Variants in NRDE2 observed in about 807,000 individuals in gnomAD.
NRDE2 encodes nuclear exosome regulator NRDE2.
In NRDE2, 76 loss-of-function variants were observed where a neutral mutation model predicts 124.2. The observed-to-expected ratio is 0.61, with a 90% confidence interval of 0.51 to 0.74. NRDE2 has a LOEUF of 0.74. Among genes scored for constraint, NRDE2 ranks in the 30% least tolerant of loss-of-function variants. NRDE2 has a pLI of 0.00. For synonymous variants in NRDE2, 489 were observed against 528.1 expected (o/e 0.93, Z 1.01); for missense variants, 1,314 against 1,417.3 (o/e 0.93, Z 1.17).
At position 90,272,186 on chromosome 14, in the gene NRDE2, G is replaced by A. The variant is rs1595047745; in HGVS notation, c.*6150C>T. On this transcript the variant is annotated 3_prime_UTR_variant, in exon 14 of 14. Coordinates refer to ENST00000354366, the MANE Select transcript of NRDE2 (RefSeq NM_017970.4). The surrounding 1 kb of genome is among the most constrained non-coding windows in gnomAD (Gnocchi z 4.5). ...TGGGATTACAGGTGTGAGCCACCGCGCCTGGCCTCAGAATAGGTTTTTTGG... is the reference window on the plus strand; with the variant it reads ...TGGGATTACAGGTGTGAGCCACCGCACCTGGCCTCAGAATAGGTTTTTTGG... 24 of 1,489,148 alleles carry A rather than the reference G, an allele frequency of 1.6e-5. No homozygotes were observed. The South Asian group carries it at 2.3e-4, about 14-fold the overall frequency. The allele number at this position is 1,489,148 out of a possible 1,614,324, so 92.2% of individuals were successfully genotyped here. A position where few individuals can be genotyped will look rare whatever the true frequency, so the allele number is the denominator to read the frequency against.
At chr14:90,303,436 C>T (rs765315039) in intron 5 of NRDE2, among the ~76,000 whole-genome samples, 14 of 152,210 alleles carry the variant, frequency 9.2e-5, no homozygotes, top group Non-Finnish European at 1.9e-4. Flanking sequence ...AAATGTGGCA[C>T]AAAATATGGT....
At position 90,312,460 on chromosome 14, in the gene NRDE2, C is replaced by T; in HGVS notation, c.491G>A (p.Arg164Lys). ...DIQAVTGETF[R>K]TDKKPDPANW... ...CGCAGGATCTGGTTTCTTATCTGTT[C>T]TGAAGGTTTCTCCCGTCACAGCCTG... The change falls in exon 4 of 14, where the codon AGA becomes AAA. Residue 164 changes from arginine to lysine, a missense_variant. Physicochemically the swap from Arg to Lys is conservative, Grantham distance 26. Coordinates refer to ENST00000354366, the MANE Select transcript of NRDE2 (RefSeq NM_017970.4). The T allele has an allele frequency of 6.2e-7, 1 of 1,614,106 alleles. No individual in the cohort carries two copies. Among genetic ancestry groups the T allele is most frequent in the Admixed American group, 1.7e-5 (1 of 60,026 alleles).
At chr14:90,284,468 C>A (rs186184586) in intron 12 of NRDE2, among the ~76,000 whole-genome samples, 1 of 151,902 alleles carries the variant, frequency 6.6e-6, no homozygotes, top group East Asian at 1.9e-4. Flanking sequence ...CTGGTTCAAG[C>A]GATTCTCCTG....
In NRDE2 at chr14:90,288,564, A is replaced by G. The variant is rs1299663495; in HGVS notation, c.2811T>C (p.Ser937=). 6.2e-7 allele frequency: 1 copy of G among 1,614,182 alleles called. No homozygotes were observed. Among genetic ancestry groups the G allele is most frequent in the South Asian group, 1.1e-5 (1 of 91,088 alleles). The change falls in exon 11 of 14, where the codon TCT becomes TCC. Residue 937 remains serine (S), a synonymous_variant. Coordinates refer to ENST00000354366, the MANE Select transcript of NRDE2 (RefSeq NM_017970.4). ...CCTCGCCAGAGCCTTCTGGGAAAAC[A>G]GAACTGTTCAGTTTTGCAAACACCT... The part of the protein sequence containing the change: ...YEQVFAKLNS[S]VFPEGSGEGD...
intron 4 of NRDE2, among the ~76,000 whole-genome samples, chr14:90,309,427 A>G (rs1884743018): frequency 6.8e-6 from 1 of 146,760 alleles, no homozygotes; most frequent in Non-Finnish European, 1.5e-5. Context: ...GAGTCGAGAT[A>G]GCATCACTGC....
intron 5 of NRDE2, 139 bp from the exon 6 acceptor site, chr14:90,303,264 C>T (rs1555360790): frequency 1.3e-6 from 1 of 747,748 alleles, no homozygotes; most frequent in Non-Finnish European, 2.1e-6. Flanking sequence ...TTAAAGAAAA[C>T]CTGGATCCTA....
intron 3 of NRDE2, 149 bp downstream of exon 3, chr14:90,316,429 C>T: frequency 1.7e-6 from 1 of 600,366 alleles, no homozygotes; most frequent in Non-Finnish European, 2.9e-6. Flanking sequence ...CCTAATTTTT[C>T]TCCTTCTCTT....
At position 90,317,868 on chromosome 14, in the gene NRDE2, G is replaced by C; in HGVS notation, c.173+137C>G. On this transcript the variant is annotated intron_variant, in intron 2 of 13. Transcript: ENST00000354366. ...AGAATACAAGAGGTAAGGGAAAATA[G>C]TCAAAGATCACCTTATTACTTTAAG... 3 of 584,134 alleles carry C rather than the reference G, an allele frequency of 5.1e-6. No individual in the cohort carries two copies. In the South Asian group the frequency reaches 7.9e-5, roughly 15 times the overall value. The allele number at this position is 584,134 out of a possible 1,614,324, so 36.2% of individuals were successfully genotyped here. A position where few individuals can be genotyped will look rare whatever the true frequency, so the allele number is the denominator to read the frequency against.
chr14:90,325,973 T>A (rs1165406566), intron 1 of NRDE2, among the ~76,000 whole-genome samples: 1 of 152,176 alleles, frequency 6.6e-6, no homozygotes, highest in Non-Finnish European at 1.5e-5. Context: ...TATTTTACAT[T>A]TTTATAACAT....
At chr14:90,283,280 G>A (rs1720838302) in intron 12 of NRDE2, among the ~76,000 whole-genome samples, 1 of 152,228 alleles carries the variant, frequency 6.6e-6, no homozygotes, top group South Asian at 2.1e-4. Flanking sequence ...TTCTCTAAGG[G>A]GCCAGATCTT....
chr14:90,314,223 A>T (rs1884958451), intron 3 of NRDE2, among the ~76,000 whole-genome samples: 1 of 152,204 alleles, frequency 6.6e-6, no homozygotes, highest in African/African-American at 2.4e-5. Flanking sequence ...GTCATTTGTC[A>T]TCACCCTGAA....
At chr14:90,282,159 AC>A (rs1891969980) in intron 12 of NRDE2, among the ~76,000 whole-genome samples, 1 of 152,212 alleles carries the variant, frequency 6.6e-6, no homozygotes, top group South Asian at 2.1e-4. Context: ...TCTTGAAAAA[AC>A]TGCAATTTTA....
At position 90,316,813 on chromosome 14, in the gene NRDE2, T is replaced by C. The variant is rs1885066633; in HGVS notation, c.174-2A>G. ...GAAGACTCTGATTTCAGATGACTCC[T>C]GTTTGGGAAAATCAACTTTAAAATT... is the stretch of plus-strand genomic sequence containing the variant. On this transcript the variant is annotated splice_acceptor_variant, in intron 2 of 13. Transcript: ENST00000354366. LOFTEE classifies it high-confidence loss of function. 9 of 1,573,988 alleles carry C rather than the reference T, an allele frequency of 5.7e-6. No homozygotes were observed. The highest frequency in any genetic ancestry group is 1.2e-5 in the South Asian group (1 of 84,750).
In NRDE2 at chr14:90,274,725, CTG is replaced by C; in HGVS notation, c.*3609_*3610del. On this transcript the variant is annotated 3_prime_UTR_variant, in exon 14 of 14. Transcript: ENST00000354366. Reference sequence around the variant, plus strand: ...TTCCACTGGCCAAACTCGGGACAATCTGAGCATCCTAACAAACAGTTACTATT... The same window carrying C: ...TTCCACTGGCCAAACTCGGGACAATCAGCATCCTAACAAACAGTTACTATT... 1 of 150,664 alleles carries C rather than the reference CTG, an allele frequency of 6.6e-6. No individual in the cohort carries two copies. Among genetic ancestry groups the C allele is most frequent in the South Asian group, 2.1e-4 (1 of 4,708 alleles). 9.3% of individuals were successfully genotyped at this position (150,664 alleles called of 1,614,324 possible). A position where few individuals can be genotyped will look rare whatever the true frequency, so the allele number is the denominator to read the frequency against.
At chr14:90,301,490 T>A in intron 6 of NRDE2, 118 bp from the exon 7 acceptor site, 1 of 866,150 alleles carries the variant, frequency 1.2e-6, no homozygotes, top group Non-Finnish European at 1.8e-6. Flanking sequence ...CAATCACTAT[T>A]AATTTACAAA....
chr14:90,325,995 T>C (rs2139717512), intron 1 of NRDE2, among the ~76,000 whole-genome samples: 1 of 152,284 alleles, frequency 6.6e-6, no homozygotes, highest in East Asian at 1.9e-4. Context: ...TTTTATACTG[T>C]AAGGCAAAAA....
chr14:90,276,109 G>A lies in NRDE2; in HGVS notation c.*2227C>T, dbSNP rs1046600711. 6.6e-6 allele frequency: 1 copy of A among 151,846 alleles called. No individual in the cohort carries two copies. Among genetic ancestry groups the A allele is most frequent in the African/African-American group, 2.4e-5 (1 of 41,334 alleles). 9.4% of individuals were successfully genotyped at this position (151,846 alleles called of 1,614,324 possible). A position where few individuals can be genotyped will look rare whatever the true frequency, so the allele number is the denominator to read the frequency against. On this transcript the variant is annotated 3_prime_UTR_variant, in exon 14 of 14. Coordinates refer to ENST00000354366, the MANE Select transcript of NRDE2 (RefSeq NM_017970.4). Reference sequence around the variant, plus strand: ...TTCCTGATGAAACACATGAGCCACTGTTTGACTCCAGCTGGGAACCCCCTT... The same window carrying A: ...TTCCTGATGAAACACATGAGCCACTATTTGACTCCAGCTGGGAACCCCCTT...
rs374089268 is a variant in NRDE2 at position 90,278,320 on chromosome 14, G to A, written c.*16C>T. The stretch of plus-strand genomic sequence containing the variant: ...CAACTTGGCCTCGCAGGCACAGCCC[G>A]TTTTCCCGCTGCTCTCTAATCCTCC... On this transcript the variant is annotated 3_prime_UTR_variant, in exon 14 of 14. Transcript: ENST00000354366. 82 of 1,613,804 alleles carry A rather than the reference G, an allele frequency of 5.1e-5. No individual in the cohort carries two copies. The highest frequency in any genetic ancestry group is 5.8e-5 in the Non-Finnish European group (68 of 1,179,940).
chr14:90,290,903 T>C (rs1275468320), intron 9 of NRDE2, among the ~76,000 whole-genome samples: 4 of 152,226 alleles, frequency 2.6e-5, no homozygotes, highest in Non-Finnish European at 4.4e-5. Flanking sequence ...CAAAGTATCC[T>C]GATGGATTTG....
Sources: gnomAD v4.1 joint callset for allele counts (sites outside exome capture counted in the v4.1 genomes callset) on GRCh38, gnomAD v4.1.1 for gene constraint, Gnocchi (gnomAD v3.1) non-coding constraint, MANE v1.5 for transcripts, NCBI Gene and HGNC (gene_info 2026-07-23, HGNC 2026-07-21) for gene names.